Variants in LY96 observed in about 807,000 individuals in gnomAD.
The protein encoded by LY96 is lymphocyte antigen 96, also known as myeloid differentiation protein-2.
LY96 carries 18 observed loss-of-function variants against 18.9 expected under a neutral mutation model. The ratio of observed to expected loss-of-function variants is 0.95; its 90% CI spans 0.66 to 1.41. The LOEUF (loss-of-function observed/expected upper bound fraction) is 1.41. Ranked by LOEUF, LY96 falls within the 40% of genes most tolerant of loss-of-function variation. The pLI, the probability that LY96 is intolerant of heterozygous loss-of-function variation, is 0.00. For synonymous variants in LY96, 66 were observed against 62.6 expected (o/e 1.06, Z -0.26); for missense variants, 175 against 182.4 (o/e 0.96, Z 0.23).
chr8:74,092,618 T>C, the LY96 span, among the ~76,000 whole-genome samples: 1 of 152,136 alleles, frequency 6.6e-6, no homozygotes, highest in Non-Finnish European at 1.5e-5. Context: ...ATCCCTCTCT[T>C]CCACTCCTCC....
chr8:73,993,107 C>T (rs1278920012), intron 1 of LY96, among the ~76,000 whole-genome samples: 1 of 151,784 alleles, frequency 6.6e-6, no homozygotes, highest in African/African-American at 2.4e-5. Context: ...GTGATCTGCC[C>T]ACCCCGGCCT....
the LY96 span, among the ~76,000 whole-genome samples, chr8:74,061,653 T>C: frequency 3.9e-5 from 6 of 152,292 alleles, no homozygotes; most frequent in Admixed American, 3.3e-4. Context: ...AAGTGGAATT[T>C]TTTTCAAAAA....
chr8:74,083,943 T>G, the LY96 span, among the ~76,000 whole-genome samples: 1 of 151,958 alleles, frequency 6.6e-6, no homozygotes, highest in African/African-American at 2.4e-5. Context: ...CACCTTGGCC[T>G]CCCAAAGTGC....
the LY96 span, among the ~76,000 whole-genome samples, chr8:74,062,769 G>A: frequency 3.0e-3 from 454 of 152,242 alleles, 4 homozygotes; most frequent in African/African-American, 0.011. Flanking sequence ...GTTTACAGAT[G>A]AGTAAAATGA....
At chr8:74,036,629 G>GC in the LY96 span, among the ~76,000 whole-genome samples, 3 of 152,044 alleles carry the variant, frequency 2.0e-5, no homozygotes, top group Non-Finnish European at 4.4e-5. Flanking sequence ...CCATTCCTTA[G>GC]CCCCCAGCCC....
the LY96 span, among the ~76,000 whole-genome samples, chr8:74,078,702 A>G: frequency 6.6e-6 from 1 of 152,180 alleles, no homozygotes; most frequent in African/African-American, 2.4e-5. Context: ...TGGTCCTCCC[A>G]TGGCTGCTGG....
chr8:74,038,722 C>G, the LY96 span, among the ~76,000 whole-genome samples: 12 of 152,072 alleles, frequency 7.9e-5, no homozygotes, highest in Non-Finnish European at 1.5e-4. Flanking sequence ...AAATAGTATT[C>G]TATTGTGTAA....
chr8:74,031,311 C>A (rs976022007), downstream of LY96, among the ~76,000 whole-genome samples: 2 of 152,256 alleles, frequency 1.3e-5, no homozygotes, highest in East Asian at 3.9e-4. Flanking sequence ...CAAAAAGACA[C>A]AAGGATGTGT....
At chr8:74,041,620 G>C in the LY96 span, among the ~76,000 whole-genome samples, 1 of 152,174 alleles carries the variant, frequency 6.6e-6, no homozygotes, top group South Asian at 2.1e-4. Flanking sequence ...CGGCCGCTCT[G>C]GGAGTGTCTG....
At chr8:74,053,849 G>C in the LY96 span, among the ~76,000 whole-genome samples, 1 of 152,160 alleles carries the variant, frequency 6.6e-6, no homozygotes, top group Non-Finnish European at 1.5e-5. Flanking sequence ...GGTGAGACTG[G>C]TGGCTTTATA....
the LY96 span, chr8:74,056,350 G>A: frequency 1.7e-5 from 6 of 349,044 alleles, no homozygotes; most frequent in African/African-American, 9.0e-5. Flanking sequence ...TGACAAATCC[G>A]GAAGAAGATG....
chr8:74,029,755 G>T (rs1333986557), downstream of LY96, among the ~76,000 whole-genome samples: 1 of 152,140 alleles, frequency 6.6e-6, no homozygotes, highest in Non-Finnish European at 1.5e-5. Context: ...TGCCTTCCAG[G>T]TTCAAGTGAT....
intron 4 of LY96, 60 bp from the exon 5 acceptor site, chr8:74,028,896 C>T: frequency 1.0e-6 from 1 of 991,042 alleles, no homozygotes; most frequent in East Asian, 2.4e-5. Flanking sequence ...TCTTACAAAG[C>T]CTCTGAAATA....
At chr8:74,058,827 A>T in the LY96 span, among the ~76,000 whole-genome samples, 1 of 152,010 alleles carries the variant, frequency 6.6e-6, no homozygotes, top group African/African-American at 2.4e-5. Context: ...GCTGAAAGAG[A>T]TTTATTATAA....
chr8:74,026,817 C>A lies in LY96; in HGVS notation c.360C>A (p.Ser120=). The A allele has an allele frequency of 6.5e-7, 1 of 1,533,684 alleles. No homozygotes were observed. The highest frequency in any genetic ancestry group is 9.0e-7 in the Non-Finnish European group (1 of 1,107,590). The change falls in exon 4 of 5, where the codon TCC becomes TCA. Residue 120 remains serine, a synonymous_variant. Transcript: ENST00000284818. ...GETVNTTISF[S]FKGIKFSKGK... ...CTGTGAATACAACAATATCATTCTC[C>A]TTCAAGGGAATAAAATTTTCTAAGG...
intron 4 of LY96, 43 bp from the exon 5 acceptor site, chr8:74,028,913 T>G (rs766407809): frequency 8.7e-7 from 1 of 1,147,238 alleles, no homozygotes; most frequent in East Asian, 2.4e-5. Context: ...AATAGTAGCA[T>G]CTAACATTTT....
the LY96 span, among the ~76,000 whole-genome samples, chr8:74,040,562 T>G: frequency 3.3e-5 from 5 of 152,188 alleles, no homozygotes; most frequent in Admixed American, 2.6e-4. Context: ...GGATATCCAG[T>G]TTTCCCAGCA....
chr8:74,002,066 CCTTCCTTCCTTTCTTT>C lies in LY96; in HGVS notation c.113-2726_113-2711del, dbSNP rs1490514148. On this transcript the variant is annotated intron_variant, in intron 1 of 4. Coordinates refer to ENST00000284818, the MANE Select transcript of LY96 (RefSeq NM_015364.5). ...TCCTTCCTTCCTTCCTTCCTTCCTT[CCTTCCTTCCTTTCTTT>C]CTTTCTTTCTTTCTCTCTCTCTCTC... 3.1e-3 allele frequency among the ~76,000 whole-genome samples: 69 copies of C among 22,540 alleles called. 6 individuals are homozygous for C. The highest frequency in any genetic ancestry group is 6.6e-3 in the African/African-American group (32 of 4,882). 14.8% of individuals were successfully genotyped at this position (22,540 alleles called of 152,430 possible). A position where few individuals can be genotyped will look rare whatever the true frequency, so the allele number is the denominator to read the frequency against.
At chr8:74,077,205 C>G in the LY96 span, among the ~76,000 whole-genome samples, 2 of 152,174 alleles carry the variant, frequency 1.3e-5, no homozygotes, top group Non-Finnish European at 2.9e-5. Flanking sequence ...GGAAGCTCAT[C>G]AAATCTCATT....
Sources: allele counts gnomAD v4.1 joint callset (sites outside exome capture counted in the v4.1 genomes callset), GRCh38; gene constraint gnomAD v4.1.1; transcripts MANE v1.5; gene names NCBI Gene and HGNC (gene_info 2026-07-23, HGNC 2026-07-21).